The following ITGA4 variants were observed in gnomAD, a reference collection of about 807,000 sequenced individuals.
The protein encoded by ITGA4 is integrin alpha-4.
Under a neutral mutation model 133.6 loss-of-function variants are expected in ITGA4, and 63 were observed. The observed-to-expected ratio is 0.47, with a 90% confidence interval of 0.38 to 0.58. ITGA4 has a LOEUF of 0.58. ITGA4 is among the 20% of genes least tolerant of loss of function. The pLI is 0.00. For synonymous variants in ITGA4, 483 were observed against 438.0 expected (o/e 1.10, Z -1.28); for missense variants, 1,076 against 1,252.7 (o/e 0.86, Z 2.13).
chr2:181,519,600 T>C (rs937660449), intron 17 of ITGA4, among the ~76,000 whole-genome samples: 1 of 152,120 alleles, frequency 6.6e-6, no homozygotes, highest in Non-Finnish European at 1.5e-5. Context: ...AGAATAACTC[T>C]CAAAAACCGT....
intron 5 of ITGA4, chr2:181,479,645 C>T (rs1252278014): frequency 6.6e-6 from 1 of 152,100 alleles, no homozygotes; most frequent in African/African-American, 2.4e-5. Flanking sequence ...ATATGCCCCA[C>T]ATTCCATTGG....
chr2:181,497,120 G>A (rs1486879862), intron 14 of ITGA4, among the ~76,000 whole-genome samples: 1 of 152,170 alleles, frequency 6.6e-6, no homozygotes, highest in East Asian at 1.9e-4. Context: ...CCTGACCACA[G>A]AGTAAATTAC....
chr2:181,468,625 A>G (rs1429878566), intron 2 of ITGA4, among the ~76,000 whole-genome samples: 3 of 152,158 alleles, frequency 2.0e-5, no homozygotes, highest in Non-Finnish European at 4.4e-5. Context: ...TGAAAGGGGG[A>G]GGAGTAAAGA....
At chr2:181,500,020 G>A (rs1182761246) in intron 15 of ITGA4, among the ~76,000 whole-genome samples, 1 of 152,082 alleles carries the variant, frequency 6.6e-6, no homozygotes, top group Non-Finnish European at 1.5e-5. Flanking sequence ...GATTAGCAGA[G>A]GTAAGTGTTG....
chr2:181,475,503 A>C (rs1295144247), intron 4 of ITGA4, among the ~76,000 whole-genome samples: 1 of 152,208 alleles, frequency 6.6e-6, no homozygotes, highest in Non-Finnish European at 1.5e-5. Context: ...CAATTTGAAT[A>C]ACTCTGAAAT....
intron 19 of ITGA4, 48 bp from the exon 20 acceptor site, chr2:181,524,123 T>G (rs776048751): frequency 2.4e-6 from 3 of 1,231,386 alleles, no homozygotes; most frequent in Admixed American, 2.1e-5. Context: ...TTATAAAAAA[T>G]GTACTTAAGA....
chr2:181,529,557 A>G lies in ITGA4; in HGVS notation c.2447A>G (p.Asn816Ser). Residue 816 changes from asparagine (N) to serine (S), a missense_variant, in exon 23 of 28, where the codon AAT (asparagine) becomes AGT (serine). By Grantham distance (46) the Asn-to-Ser change is conservative. This residue lies in a region of ITGA4 where 365 missense variants were observed against 421.4 expected (regional missense o/e 0.87). Transcript: ENST00000397033. ...NLTFHVINTG[N>S]SMAPNVSVEI... is the part of the protein sequence containing the mutation. ...TCTTATCAGGTTATCAACACTGGCA[A>G]TAGTATGGCTCCCAATGTTAGTGTG... 5 of 1,599,250 alleles carry G rather than the reference A, an allele frequency of 3.1e-6. No individual in the cohort carries two copies. The highest frequency in any genetic ancestry group is 4.3e-6 in the Non-Finnish European group (5 of 1,167,460).
intron 10 of ITGA4, among the ~76,000 whole-genome samples, chr2:181,489,337 A>G (rs1220658944): frequency 1.3e-5 from 2 of 151,924 alleles, no homozygotes; most frequent in Non-Finnish European, 2.9e-5. Flanking sequence ...CCATTTTCTA[A>G]AAAGATGACC....
chr2:181,535,014 G>GTTAAC (rs1687029455), intron 27 of ITGA4, 79 bp downstream of exon 27: 1 of 1,423,498 alleles, frequency 7.0e-7, no homozygotes, highest in South Asian at 1.5e-5. Flanking sequence ...CAAGTTATTA[G>GTTAAC]ATTTAAATAT....
chr2:181,535,300 C>T (rs980699572), intron 27 of ITGA4, 132 bp from the exon 28 acceptor site: 13 of 709,670 alleles, frequency 1.8e-5, no homozygotes, highest in African/African-American at 3.6e-5. Context: ...TCTGTTAAAC[C>T]TTTATGACTG....
At chr2:181,471,571 A>T (rs1292805940) in intron 2 of ITGA4, among the ~76,000 whole-genome samples, 1 of 152,194 alleles carries the variant, frequency 6.6e-6, no homozygotes, top group Non-Finnish European at 1.5e-5. Context: ...TAACAACTGT[A>T]TAGGAGATAT....
chr2:181,525,452 C>A (rs1416803976), intron 21 of ITGA4, among the ~76,000 whole-genome samples, 161 bp downstream of exon 21: 8 of 152,070 alleles, frequency 5.3e-5, no homozygotes. Context: ...ACTTAGCTGT[C>A]CATTATAATA....
chr2:181,457,860 A>G lies in ITGA4; in HGVS notation c.197+9A>G. ...CACGGGGCGAACCGATGGTGAGTAG[A>G]GTTGGACTGATGCGCCCTCAGCAGC... is the stretch of plus-strand genomic sequence containing the variant. On this transcript the variant is annotated intron_variant, in intron 1 of 27. Coordinates refer to ENST00000397033, the MANE Select transcript of ITGA4 (RefSeq NM_000885.6). 6.2e-6 allele frequency: 10 copies of G among 1,604,660 alleles called. No individual in the cohort carries two copies. Among genetic ancestry groups the G allele is most frequent in the Non-Finnish European group, 6.8e-6 (8 of 1,174,250 alleles).
chr2:181,503,917 T>G (rs1022479699), intron 15 of ITGA4, among the ~76,000 whole-genome samples: 1 of 152,072 alleles, frequency 6.6e-6, no homozygotes, highest in Non-Finnish European at 1.5e-5. Context: ...AGTTTTGATT[T>G]AGGGAAACCC....
chr2:181,457,774 C>G lies in ITGA4; in HGVS notation c.120C>G (p.Ser40Arg). Residue 40 changes from serine to arginine, a missense_variant, in exon 1 of 28, where the codon AGC (serine) becomes AGG (arginine). By Grantham distance (110) the Ser-to-Arg change is moderately radical. Around this residue, in one of 4 missense-constraint regions of ITGA4, gnomAD observed 82 missense variants for 68.3 expected, o/e 1.20. Transcript: ENST00000397033. The stretch of plus-strand genomic sequence containing the variant: ...GCCCCTACAACGTGGACACTGAGAG[C>G]GCGCTGCTTTACCAGGGCCCCCACA... ...TGRPYNVDTE[S>R]ALLYQGPHNT... 1 of 1,613,674 alleles carries G rather than the reference C, an allele frequency of 6.2e-7. No homozygotes were observed.
At chr2:181,484,736 T>G (rs1685877137) in intron 9 of ITGA4, among the ~76,000 whole-genome samples, 1 of 152,194 alleles carries the variant, frequency 6.6e-6, no homozygotes, top group Admixed American at 6.5e-5. Flanking sequence ...GAGTAAACAA[T>G]TGACTACAAC....
At position 181,523,231 on chromosome 2, in the gene ITGA4, CATAT is replaced by C. The variant is rs55958305; in HGVS notation, c.2074-200_2074-197del. The C allele has an allele frequency of 6.9e-6, 3 of 432,038 alleles. No individual in the cohort carries two copies. The East Asian group carries it at 1.2e-4, about 18-fold the overall frequency. 26.8% of individuals were successfully genotyped at this position (432,038 alleles called of 1,614,324 possible). A position where few individuals can be genotyped will look rare whatever the true frequency, so the allele number is the denominator to read the frequency against. On this transcript the variant is annotated intron_variant, in intron 18 of 27. Coordinates refer to ENST00000397033, the MANE Select transcript of ITGA4 (RefSeq NM_000885.6). The surrounding 1 kb of genome is among the most constrained non-coding windows in gnomAD (Gnocchi z 4.2). ...ACATATATACACACATATATACATA[CATAT>C]ATATACACATACATATATACACACA...
At chr2:181,460,533 G>A (rs867247449) in intron 2 of ITGA4, among the ~76,000 whole-genome samples, 1 of 150,906 alleles carries the variant, frequency 6.6e-6, no homozygotes. Flanking sequence ...TCAAGAGTGT[G>A]TGTAAATATA....
intron 15 of ITGA4, among the ~76,000 whole-genome samples, 162 bp from the exon 16 acceptor site, chr2:181,509,496 T>A (rs1224780678): frequency 6.6e-6 from 1 of 152,108 alleles, no homozygotes; most frequent in Non-Finnish European, 1.5e-5. Context: ...TTGTGTGATA[T>A]GAAAAAATAT....
Sources: allele counts gnomAD v4.1 joint callset (sites outside exome capture counted in the v4.1 genomes callset), GRCh38; gene constraint gnomAD v4.1.1; regional missense constraint gnomAD v4.1.1; non-coding constraint Gnocchi (gnomAD v3.1); transcripts MANE v1.5; gene names NCBI Gene and HGNC (gene_info 2026-07-23, HGNC 2026-07-21).